SLC34A1: variants seen among roughly 807,000 people sequenced by gnomAD.
The protein encoded by SLC34A1 is solute carrier family 34 member 1.
SLC34A1 carries 57 observed loss-of-function variants against 51.4 expected under a neutral mutation model. That is an observed-to-expected ratio of 1.11 (90% CI 0.90 to 1.38). The LOEUF (loss-of-function observed/expected upper bound fraction) is 1.38. SLC34A1 is among the 40% of genes most tolerant of loss of function. The pLI is 0.00. For synonymous variants in SLC34A1, 368 were observed against 358.0 expected (o/e 1.03, Z -0.32); for missense variants, 796 against 835.6 (o/e 0.95, Z 0.58).
chr5:177,385,827 T>A lies in SLC34A1; in HGVS notation c.86T>A (p.Phe29Tyr), dbSNP rs777783895. ...GGGCATGTGATGCGAGGGACGGCCT[T>A]TGCCTACGTGCCCAGCCCTCAGGGT... ...RGGHVMRGTA[F>Y]AYVPSPQVLH... Residue 29 changes from phenylalanine to tyrosine, a missense_variant, in exon 2 of 13, where the codon TTT becomes TAT. By Grantham distance (22) the Phe-to-Tyr change is conservative. Transcript: ENST00000324417. 36 of 1,613,396 alleles carry A rather than the reference T, an allele frequency of 2.2e-5. No individual in the cohort carries two copies. The South Asian group carries it at 3.8e-4, about 17-fold the overall frequency.
intron 10 of SLC34A1, among the ~76,000 whole-genome samples, chr5:177,395,463 G>C (rs1195955394): frequency 6.6e-6 from 1 of 152,164 alleles, no homozygotes; most frequent in African/African-American, 2.4e-5. Flanking sequence ...AGGGTGGCCA[G>C]TAGCTGGCAG....
Position 177,397,770 on chromosome 5 carries a change from T to A in SLC34A1, c.1417-13T>A. ...CAGTGCCCATCTCAGCCCCTCTGCC[T>A]CATCCCCTGCAGATTGCCCTCTGTC... On this transcript the variant is annotated splice_polypyrimidine_tract_variant and intron_variant, in intron 12 of 12. Transcript: ENST00000324417. 6.2e-7 allele frequency: 1 copy of A among 1,606,116 alleles called. No homozygotes were observed. Among genetic ancestry groups the A allele is most frequent in the Non-Finnish European group, 8.5e-7 (1 of 1,179,834 alleles).
rs1763039855 is a variant in SLC34A1 at position 177,398,299 on chromosome 5, G to C, written c.*13G>C. On this transcript the variant is annotated 3_prime_UTR_variant, in exon 13 of 13. Transcript: ENST00000324417. The surrounding 1 kb of genome is among the most constrained non-coding windows in gnomAD (Gnocchi z 4.7). ...CACCCGCCTCTAGGCTGTGGGCCCA[G>C]ACTACAGCCTGGAATGGGGAAGGCC... is the stretch of plus-strand genomic sequence containing the variant. The C allele has an allele frequency of 6.3e-7, 1 of 1,599,150 alleles. No individual in the cohort carries two copies. The highest frequency in any genetic ancestry group is 8.5e-7 in the Non-Finnish European group (1 of 1,179,938).
chr5:177,395,519 G>T (rs1762929083), intron 10 of SLC34A1, among the ~76,000 whole-genome samples: 1 of 152,222 alleles, frequency 6.6e-6, no homozygotes, highest in Non-Finnish European at 1.5e-5. Flanking sequence ...AGGTGGCACG[G>T]AAGGGGCCAG....
intron 10 of SLC34A1, among the ~76,000 whole-genome samples, chr5:177,394,518 G>C (rs1426906812): frequency 6.6e-6 from 1 of 152,162 alleles, no homozygotes; most frequent in Non-Finnish European, 1.5e-5. Context: ...ACAGAGTTGG[G>C]TCCTGCCCTG....
rs772747645 is a variant in SLC34A1 at position 177,388,156 on chromosome 5, C to A, written c.807C>A (p.Ile269=). 7 of 1,614,006 alleles carry A rather than the reference C, an allele frequency of 4.3e-6. No homozygotes were observed. The Admixed American group carries it at 8.3e-5, about 19-fold the overall frequency. Residue 269 remains isoleucine, a synonymous_variant, in exon 7 of 13, where the codon ATC becomes ATA. Coordinates refer to ENST00000324417, the MANE Select transcript of SLC34A1 (RefSeq NM_003052.5). This position sits in a 1 kb window ranked among gnomAD's most constrained non-coding sequence, Gnocchi z 4.3. ...GGRDAPDLLK[I]ITEPFTKLII... is the part of the protein sequence containing the mutation. ...GTGATGCTCCTGACCTGCTCAAGAT[C>A]ATCACAGAGCCCTTCACGAAGCTCA...
At position 177,393,729 on chromosome 5, in the gene SLC34A1, C is replaced by T; in HGVS notation, c.972C>T (p.Ser324=). The change falls in exon 9 of 13, where the codon TCC becomes TCT. Residue 324 remains serine (S), a synonymous_variant. Transcript: ENST00000324417. ...PTSMSRAEAN[S]SQTLGNATME... ...CCATGTCCAGAGCAGAGGCCAACTC[C>T]AGCCAGACCCTTGGAAATGCCACCA... The T allele has an allele frequency of 6.2e-7, 1 of 1,614,228 alleles. No individual in the cohort carries two copies. The highest frequency in any genetic ancestry group is 8.5e-7 in the Non-Finnish European group (1 of 1,180,044).
chr5:177,388,724 G>T lies in SLC34A1; in HGVS notation c.936+352G>T, dbSNP rs1434786472. Among the ~76,000 whole-genome samples, 1 of 152,132 alleles carries T rather than the reference G, an allele frequency of 6.6e-6. No homozygotes were observed. Among genetic ancestry groups the T allele is most frequent in the East Asian group, 1.9e-4 (1 of 5,196 alleles). On this transcript the variant is annotated intron_variant, in intron 8 of 12. Coordinates refer to ENST00000324417, the MANE Select transcript of SLC34A1 (RefSeq NM_003052.5). This position sits in a 1 kb window ranked among gnomAD's most constrained non-coding sequence, Gnocchi z 4.3. ...GAATCTGGAAACCCCTGGGAGCGGG[G>T]CCAATGGCCTATGCTTCAGCAGTTC...
intron 10 of SLC34A1, 24 bp downstream of exon 10, chr5:177,394,219 G>T: frequency 6.2e-7 from 1 of 1,613,316 alleles, no homozygotes; most frequent in Non-Finnish European, 8.5e-7. Flanking sequence ...AGTTGACTGG[G>T]CAGGGCCACA....
intron 10 of SLC34A1, among the ~76,000 whole-genome samples, chr5:177,394,526 C>G (rs1686346185): frequency 6.6e-6 from 1 of 152,106 alleles, no homozygotes; most frequent in South Asian, 2.1e-4. Context: ...GGGTCCTGCC[C>G]TGAGGGGCTC....
chr5:177,397,228 C>A, intron 12 of SLC34A1, 154 bp downstream of exon 12: 1 of 874,344 alleles, frequency 1.1e-6, no homozygotes, highest in Non-Finnish European at 1.8e-6. Context: ...AAAGTAGACC[C>A]AATACCACCC....
chr5:177,387,647 C>T, intron 5 of SLC34A1, 115 bp from the exon 6 acceptor site: 1 of 866,260 alleles, frequency 1.2e-6, no homozygotes, highest in South Asian at 1.3e-5. Context: ...GACTCAGCAG[C>T]ATGGCAGGAG....
chr5:177,389,351 TCCC>T (rs1762718906), intron 8 of SLC34A1, among the ~76,000 whole-genome samples: 1 of 149,114 alleles, frequency 6.7e-6, no homozygotes, highest in African/African-American at 2.5e-5. Flanking sequence ...CACAAGCCCT[TCCC>T]CTTCCCCTTC....
chr5:177,387,017 C>G (rs547751132), intron 5 of SLC34A1, among the ~76,000 whole-genome samples: 2 of 151,934 alleles, frequency 1.3e-5, no homozygotes, highest in Non-Finnish European at 2.9e-5. Flanking sequence ...TACAGAACAC[C>G]CAGGCTAGTG....
Position 177,386,222 on chromosome 5 carries a change from G to T in SLC34A1, c.261G>T (p.Glu87Asp), listed in dbSNP as rs375693713. 6.2e-7 allele frequency: 1 copy of T among 1,614,158 alleles called. No homozygotes were observed. Among genetic ancestry groups the T allele is most frequent in the East Asian group, 2.2e-5 (1 of 44,872 alleles). The change falls in exon 4 of 13, where the codon GAG (glutamate) becomes GAT (aspartate). Residue 87 changes from glutamate (E) to aspartate (D), a missense_variant and splice_region_variant. By Grantham distance (45) the Glu-to-Asp change is conservative. Transcript: ENST00000324417. The surrounding 1 kb of genome is among the most constrained non-coding windows in gnomAD (Gnocchi z 4.8). ...KLALEEEQKP[E>D]SRLVPKLRQA... is the part of the protein sequence containing the mutation. ...ATGCTCATGGCTTCCCCCATCCAGA[G>T]TCCAGGCTGGTCCCCAAGCTGCGCC...
At chr5:177,389,359 C>G (rs1375729857) in intron 8 of SLC34A1, among the ~76,000 whole-genome samples, 1 of 151,790 alleles carries the variant, frequency 6.6e-6, no homozygotes, top group East Asian at 1.9e-4. Flanking sequence ...CTTCCCCTTC[C>G]CCTTCCCCTT....
In SLC34A1 at chr5:177,396,484, G is replaced by A. The variant is rs113518223; in HGVS notation, c.1175-249G>A. Among the ~76,000 whole-genome samples the A allele has an allele frequency of 7.1e-4, 90 of 126,604 alleles. 1 individual carries two copies. Among genetic ancestry groups the A allele is most frequent in the African/African-American group, 2.2e-3 (79 of 35,338 alleles). 83.1% of individuals were successfully genotyped at this position (126,604 alleles called of 152,430 possible). On this transcript the variant is annotated intron_variant, in intron 10 of 12. Coordinates refer to ENST00000324417, the MANE Select transcript of SLC34A1 (RefSeq NM_003052.5). This position sits in a 1 kb window ranked among gnomAD's most constrained non-coding sequence, Gnocchi z 4.0. ...CCGCTCTCCCAGTGCCCCCGCGGAG[G>A]TCCTCTCTCCCAGTGCCCCCGCGGA... is the stretch of plus-strand genomic sequence containing the variant.
At chr5:177,395,731 C>T (rs1477134661) in intron 10 of SLC34A1, among the ~76,000 whole-genome samples, 1 of 152,196 alleles carries the variant, frequency 6.6e-6, no homozygotes, top group Non-Finnish European at 1.5e-5. Flanking sequence ...CTCCCAGGTT[C>T]AAGTGATCCT....
chr5:177,391,214 G>A (rs921165079), intron 8 of SLC34A1, among the ~76,000 whole-genome samples: 1 of 152,156 alleles, frequency 6.6e-6, no homozygotes, highest in African/African-American at 2.4e-5. Flanking sequence ...GCCCCACAGG[G>A]AAGCCCCAGG....
Sources: allele counts gnomAD v4.1 joint callset (sites outside exome capture counted in the v4.1 genomes callset), GRCh38; gene constraint gnomAD v4.1.1; non-coding constraint Gnocchi (gnomAD v3.1); transcripts MANE v1.5; gene names NCBI Gene and HGNC (gene_info 2026-07-23, HGNC 2026-07-21).